The following FGF12 variants were observed in gnomAD, a reference collection of about 807,000 sequenced individuals.
FGF12 encodes fibroblast growth factor 12B.
A neutral mutation model predicts 23.6 loss-of-function variants in FGF12; 14 were observed. The observed-to-expected ratio is 0.59, with a 90% confidence interval of 0.39 to 0.93. The LOEUF (loss-of-function observed/expected upper bound fraction) is 0.93, where lower values mean the gene tolerates loss of function less well. FGF12 is among the 40% of genes least tolerant of loss of function. FGF12 has a pLI of 0.00. For synonymous variants in FGF12, 62 were observed against 77.3 expected, an observed-to-expected ratio of 0.80 and a Z score of 1.04; for missense variants, 175 against 217.8, an observed-to-expected ratio of 0.80 and a Z score of 1.24.
intron 2 of FGF12, among the ~76,000 whole-genome samples, chr3:192,610,695 A>G (rs1055708798): frequency 6.6e-6 from 1 of 152,056 alleles, no homozygotes; most frequent in Non-Finnish European, 1.5e-5. Context: ...GCCAATGTCC[A>G]TATTAGAACC....
chr3:192,460,009 G>A (rs142479273), intron 2 of FGF12, among the ~76,000 whole-genome samples: 210 of 151,964 alleles, frequency 1.4e-3, no homozygotes, highest in African/African-American at 5.0e-3. Context: ...TCTAGTCTTC[G>A]AGTCATGCAG....
At chr3:192,392,100 A>G (rs944080069) in intron 2 of FGF12, among the ~76,000 whole-genome samples, 5 of 152,218 alleles carry the variant, frequency 3.3e-5, no homozygotes, top group African/African-American at 9.6e-5. Context: ...CTGAGGAACT[A>G]TTATAGAGAG....
intron 2 of FGF12, among the ~76,000 whole-genome samples, chr3:192,395,480 A>G (rs1720478501): frequency 6.6e-6 from 1 of 152,226 alleles, no homozygotes; most frequent in African/African-American, 2.4e-5. Flanking sequence ...ACATTTTCAT[A>G]TATATGCAGA....
intron 4 of FGF12, among the ~76,000 whole-genome samples, chr3:192,208,183 T>G (rs974311087): frequency 2.6e-5 from 4 of 152,198 alleles, no homozygotes; most frequent in Non-Finnish European, 4.4e-5. Flanking sequence ...ATGTTTGAAG[T>G]TATCATTTTT....
rs1443318560 is a variant in FGF12, at chr3:192,336,302, T to C, written c.125-838A>G. Among the ~76,000 whole-genome samples the C allele has an allele frequency of 6.6e-6, 1 of 152,054 alleles. No homozygotes were observed. Among genetic ancestry groups the C allele is most frequent in the Non-Finnish European group, 1.5e-5 (1 of 67,992 alleles). On this transcript the variant is annotated intron_variant, in intron 3 of 5. Coordinates refer to ENST00000445105, the MANE Select transcript of FGF12 (RefSeq NM_004113.6). The surrounding 1 kb of genome is among the most constrained non-coding windows in gnomAD (Gnocchi z 4.3). ...GCTTGCAGTCTTTACATATTCGAGTTGCTCATCACTCAAAATACTCAATAG... is the reference window on the plus strand; with the variant it reads ...GCTTGCAGTCTTTACATATTCGAGTCGCTCATCACTCAAAATACTCAATAG...
chr3:192,164,963 T>G (rs1460029287), intron 5 of FGF12, among the ~76,000 whole-genome samples: 1 of 152,174 alleles, frequency 6.6e-6, no homozygotes, highest in Non-Finnish European at 1.5e-5. Context: ...TTTATTCACT[T>G]ATTTTTGGGA....
At chr3:192,572,856 A>G (rs990084792) in intron 2 of FGF12, among the ~76,000 whole-genome samples, 7 of 152,320 alleles carry the variant, frequency 4.6e-5, no homozygotes, top group East Asian at 1.9e-4. Flanking sequence ...AAAGCCTACA[A>G]TGAGAAATAG....
intron 2 of FGF12, among the ~76,000 whole-genome samples, chr3:192,617,909 G>A (rs113240402): frequency 1.3e-4 from 20 of 152,134 alleles, no homozygotes; most frequent in South Asian, 1.0e-3. Context: ...ACCCAGAAAC[G>A]CTGGGAGTAC....
At position 192,170,567 on chromosome 3, in the gene FGF12, T is replaced by C. The variant is rs1277857716; in HGVS notation, c.318A>G (p.Glu106=). Reference sequence around the variant, plus strand: ...GTCCCAGAAACCAAGCTCGGCCTGATTCTTGCTGGCGGTACAGTGTGGAAG... The same window carrying C: ...GTCCCAGAAACCAAGCTCGGCCTGACTCTTGCTGGCGGTACAGTGTGGAAG... ...IYSSTLYRQQ[E]SGRAWFLGLN... is the part of the protein sequence containing the mutation. The change falls in exon 5 of 6, where the codon GAA becomes GAG. Residue 106 remains glutamate (E), a synonymous_variant. Coordinates refer to ENST00000445105, the MANE Select transcript of FGF12 (RefSeq NM_004113.6). The C allele has an allele frequency of 6.2e-7, 1 of 1,613,900 alleles. No homozygotes were observed. The highest frequency in any genetic ancestry group is 2.2e-5 in the East Asian group (1 of 44,882).
At chr3:192,620,512 C>A (rs1714935481) in intron 2 of FGF12, among the ~76,000 whole-genome samples, 1 of 152,066 alleles carries the variant, frequency 6.6e-6, no homozygotes, top group Non-Finnish European at 1.5e-5. Flanking sequence ...AAAATGCCAC[C>A]CTGTCTAAGC....
chr3:192,630,142 G>C (rs544443924), intron 2 of FGF12, among the ~76,000 whole-genome samples: 4 of 152,092 alleles, frequency 2.6e-5, no homozygotes, highest in Non-Finnish European at 5.9e-5. Context: ...CTCCCTGCCC[G>C]CCTCTCTTGC....
intron 2 of FGF12, among the ~76,000 whole-genome samples, chr3:192,657,856 A>C (rs1249452018): frequency 6.6e-6 from 1 of 152,240 alleles, no homozygotes; most frequent in African/African-American, 2.4e-5. Flanking sequence ...AAATTGCCAA[A>C]AGATCAAAAC....
At chr3:192,455,762 C>T (rs1390577787) in intron 2 of FGF12, among the ~76,000 whole-genome samples, 1 of 152,120 alleles carries the variant, frequency 6.6e-6, no homozygotes, top group African/African-American at 2.4e-5. Context: ...ATAAATAATT[C>T]TAAGATTTTC....
At chr3:192,229,828 T>C (rs1376424836) in intron 4 of FGF12, among the ~76,000 whole-genome samples, 2 of 152,138 alleles carry the variant, frequency 1.3e-5, no homozygotes, top group Non-Finnish European at 2.9e-5. Flanking sequence ...TCTTGCACTA[T>C]GTTTACTAAT....
At chr3:192,579,813 G>A (rs866595751) in intron 2 of FGF12, among the ~76,000 whole-genome samples, 4 of 152,068 alleles carry the variant, frequency 2.6e-5, no homozygotes, top group South Asian at 2.1e-4. Context: ...CAGGTGGTCC[G>A]ATCATCTCGG....
intron 4 of FGF12, among the ~76,000 whole-genome samples, chr3:192,197,309 G>A (rs563703421): frequency 6.6e-5 from 10 of 152,268 alleles, no homozygotes; most frequent in Middle Eastern, 3.4e-3. Context: ...AACACGTATC[G>A]TGTGTCCTTC....
chr3:192,144,208 A>G (rs998548634), intron 5 of FGF12, 81 bp from the exon 6 acceptor site: 3 of 788,414 alleles, frequency 3.8e-6, no homozygotes, highest in Non-Finnish European at 4.3e-6. Flanking sequence ...TGATTTTACA[A>G]TATTCTTCAC....
chr3:192,525,511 C>T (rs760231380), intron 2 of FGF12, among the ~76,000 whole-genome samples: 50 of 152,172 alleles, frequency 3.3e-4, no homozygotes, highest in Admixed American at 1.7e-3. Flanking sequence ...TGCCTTCCTT[C>T]AGGCCCTGAT....
At chr3:192,479,392 C>A (rs1377746062) in intron 2 of FGF12, among the ~76,000 whole-genome samples, 1 of 152,118 alleles carries the variant, frequency 6.6e-6, no homozygotes, top group African/African-American at 2.4e-5. Context: ...AACATATCAC[C>A]CAGTGAAAGT....
Sources: allele counts gnomAD v4.1 joint callset (sites outside exome capture counted in the v4.1 genomes callset), GRCh38; gene constraint gnomAD v4.1.1; non-coding constraint Gnocchi (gnomAD v3.1); transcripts MANE v1.5; gene names NCBI Gene and HGNC (gene_info 2026-07-23, HGNC 2026-07-21).